Variants in ADK observed in about 807,000 individuals in gnomAD.
ADK encodes N6,N6-dimethyladenosine kinase.
A neutral mutation model predicts 44.7 loss-of-function variants in ADK; 24 were observed. That is an observed-to-expected ratio of 0.54 (90% CI 0.39 to 0.76). The LOEUF is 0.76. Ranked by LOEUF, ADK falls within the 30% of genes least tolerant of loss-of-function variation. ADK has a pLI of 0.00. For synonymous variants in ADK, 128 were observed against 142.6 expected (o/e 0.90, Z 0.73); for missense variants, 321 against 425.1 (o/e 0.76, Z 2.15).
intron 6 of ADK, chr10:74,506,286 A>C: frequency 4.2e-6 from 1 of 237,744 alleles, no homozygotes; most frequent in East Asian, 1.4e-4. Context: ...GGATTCATCT[A>C]TCTTGAAATG....
chr10:74,180,079 G>A (rs1248323124), intron 1 of ADK, among the ~76,000 whole-genome samples: 3 of 152,050 alleles, frequency 2.0e-5, no homozygotes, highest in Admixed American at 1.3e-4. Flanking sequence ...ATAGTAGTAT[G>A]TGACTCTTTT....
At chr10:74,478,172 G>A (rs1846928530) in intron 6 of ADK, among the ~76,000 whole-genome samples, 1 of 152,090 alleles carries the variant, frequency 6.6e-6, no homozygotes, top group Non-Finnish European at 1.5e-5. Flanking sequence ...GCCTCCCAAA[G>A]CACTGGGATT....
intron 3 of ADK, among the ~76,000 whole-genome samples, chr10:74,262,210 C>T (rs1057382889): frequency 4.0e-5 from 6 of 150,704 alleles, no homozygotes; most frequent in South Asian, 2.1e-4. Context: ...ATCCCAGCCA[C>T]GTGGGAGGCT....
At chr10:74,317,874 C>T (rs1414977959) in intron 4 of ADK, among the ~76,000 whole-genome samples, 1 of 152,052 alleles carries the variant, frequency 6.6e-6, no homozygotes, top group African/African-American at 2.4e-5. Context: ...CTCTGCCTCC[C>T]GGGTTCAAGT....
At chr10:74,360,952 T>C (rs1288186227) in intron 4 of ADK, among the ~76,000 whole-genome samples, 1 of 152,142 alleles carries the variant, frequency 6.6e-6, no homozygotes, top group East Asian at 1.9e-4. Context: ...CTGTCCCCCA[T>C]GCTGGAGTGC....
At chr10:74,463,928 G>A (rs893367959) in intron 6 of ADK, among the ~76,000 whole-genome samples, 5 of 152,038 alleles carry the variant, frequency 3.3e-5, no homozygotes, top group Non-Finnish European at 4.4e-5. Flanking sequence ...AACATACAGA[G>A]CCTAAATGTA....
chr10:74,215,033 G>A (rs1843959554), intron 2 of ADK, among the ~76,000 whole-genome samples: 1 of 152,056 alleles, frequency 6.6e-6, no homozygotes, highest in Non-Finnish European at 1.5e-5. Flanking sequence ...TCTCTTTGTA[G>A]GGGCTAGAGG....
chr10:74,608,770 G>T (rs1408196268), intron 9 of ADK, among the ~76,000 whole-genome samples: 3 of 152,140 alleles, frequency 2.0e-5, no homozygotes, highest in African/African-American at 7.2e-5. Flanking sequence ...GAGATTTGCT[G>T]CTCTCTTCAG....
At chr10:74,208,060 G>C (rs1843667347) in intron 2 of ADK, among the ~76,000 whole-genome samples, 1 of 152,264 alleles carries the variant, frequency 6.6e-6, no homozygotes, top group Non-Finnish European at 1.5e-5. Flanking sequence ...CACCTGCTGG[G>C]TTGTGACAGT....
chr10:74,386,005 T>C (rs1843127341), intron 4 of ADK, among the ~76,000 whole-genome samples: 2 of 152,186 alleles, frequency 1.3e-5, no homozygotes, highest in Non-Finnish European at 2.9e-5. Flanking sequence ...CATAACATAC[T>C]AGTTATTCAG....
intron 6 of ADK, among the ~76,000 whole-genome samples, chr10:74,480,206 T>TTTTC (rs71024511): frequency 0.61 from 86,841 of 142,386 alleles, 28,287 homozygotes; most frequent in Middle Eastern, 0.79. Context: ...GGCAGCCTAA[T>TTTTC]TTTCTTTCTT....
intron 7 of ADK, among the ~76,000 whole-genome samples, chr10:74,543,225 A>C (rs1849710983): frequency 6.6e-6 from 1 of 150,930 alleles, no homozygotes; most frequent in East Asian, 1.9e-4. Context: ...AAAAAAAAAA[A>C]CTGAGACAGG....
chr10:74,299,367 C>A (rs1276332559), intron 3 of ADK, among the ~76,000 whole-genome samples: 2 of 149,870 alleles, frequency 1.3e-5, no homozygotes, highest in African/African-American at 4.9e-5. Flanking sequence ...CGTGTGGTGG[C>A]ATATGCCTGT....
chr10:74,438,954 G>A (rs1845290913), intron 6 of ADK, among the ~76,000 whole-genome samples: 4 of 152,178 alleles, frequency 2.6e-5, no homozygotes, highest in Admixed American at 2.6e-4. Flanking sequence ...GGTGTCAACT[G>A]AATTGGCTGC....
chr10:74,600,279 T>A, intron 8 of ADK, 100 bp from the exon 9 acceptor site: 2 of 726,364 alleles, frequency 2.8e-6, no homozygotes, highest in South Asian at 3.1e-5. Context: ...GATATGCAGG[T>A]CTCTTATTTT....
intron 9 of ADK, among the ~76,000 whole-genome samples, chr10:74,638,148 T>A (rs1471346241): frequency 6.6e-6 from 1 of 152,090 alleles, no homozygotes; most frequent in African/African-American, 2.4e-5. Flanking sequence ...ATATTTAGAG[T>A]CCTGATGTAA....
chr10:74,701,708 G>C (rs1420749627), intron 10 of ADK, among the ~76,000 whole-genome samples: 1 of 152,216 alleles, frequency 6.6e-6, no homozygotes, highest in African/African-American at 2.4e-5. Flanking sequence ...ACTTTGGGAG[G>C]CTGAGGTGGG....
chr10:74,287,246 C>T (rs942474861), intron 3 of ADK, among the ~76,000 whole-genome samples: 2 of 152,118 alleles, frequency 1.3e-5, no homozygotes, highest in South Asian at 2.1e-4. Context: ...GGGCAGATCA[C>T]GTGGTCAGGA....
chr10:74,208,284 G>A (rs1843677322), intron 2 of ADK, among the ~76,000 whole-genome samples: 2 of 152,378 alleles, frequency 1.3e-5, no homozygotes, highest in East Asian at 3.9e-4. Flanking sequence ...TTGGAAGTGG[G>A]TGTGGCTCCC....
Sources: gnomAD v4.1 joint callset for allele counts (sites outside exome capture counted in the v4.1 genomes callset) on GRCh38, gnomAD v4.1.1 for gene constraint, MANE v1.5 for transcripts, NCBI Gene and HGNC (gene_info 2026-07-23, HGNC 2026-07-21) for gene names.